Variants in HIGD1C observed in about 807,000 individuals in gnomAD.
HIGD1C encodes HIG1 domain family member 1C.
Under a neutral mutation model 13.1 loss-of-function variants are expected in HIGD1C, and 11 were observed. That is an observed-to-expected ratio of 0.84 (90% CI 0.53 to 1.39). HIGD1C has a LOEUF of 1.39. Among genes scored for constraint, HIGD1C ranks in the 40% most tolerant of loss-of-function variants. HIGD1C has a pLI of 0.00. For synonymous variants in HIGD1C, 36 were observed against 37.7 expected (o/e 0.95, Z 0.17); for missense variants, 110 against 112.0 (o/e 0.98, Z 0.08).
At chr12:50,969,198 AC>A (rs1398517427) in intron 2 of HIGD1C, among the ~76,000 whole-genome samples, 1 of 151,828 alleles carries the variant, frequency 6.6e-6, no homozygotes, top group African/African-American at 2.4e-5. Context: ...GGGGGCTGAG[AC>A]AGGAGAATTG....
At chr12:50,952,737 C>T (rs192197366), upstream of HIGD1C, among the ~76,000 whole-genome samples, 6 of 152,336 alleles carry the variant, frequency 3.9e-5, no homozygotes, top group East Asian at 7.7e-4. Flanking sequence ...GGGCTCTCAT[C>T]GCCTCAGCCG....
chr12:50,942,246 C>G, the HIGD1C span, among the ~76,000 whole-genome samples: 1 of 152,162 alleles, frequency 6.6e-6, no homozygotes, highest in Non-Finnish European at 1.5e-5. Context: ...CCTTTTACCC[C>G]AAATCTGCTT....
chr12:50,945,463 G>C, the HIGD1C span, among the ~76,000 whole-genome samples: 1 of 152,152 alleles, frequency 6.6e-6, no homozygotes, highest in Admixed American at 6.6e-5. Flanking sequence ...CAAATCATGA[G>C]TGAAATCCCA....
chr12:50,969,702 C>CA (rs757808017), intron 2 of HIGD1C, among the ~76,000 whole-genome samples: 293 of 112,516 alleles, frequency 2.6e-3, no homozygotes, highest in Middle Eastern at 4.9e-3. Context: ...GACTCCATCT[C>CA]AAAAAAAAAA....
At chr12:50,967,984 G>A (rs765767775) in intron 2 of HIGD1C, among the ~76,000 whole-genome samples, 3 of 152,126 alleles carry the variant, frequency 2.0e-5, no homozygotes, top group African/African-American at 4.8e-5. Flanking sequence ...CTACTCGGGA[G>A]GCTGAGATGA....
At chr12:50,963,423 G>C (rs1370922314) in intron 2 of HIGD1C, among the ~76,000 whole-genome samples, 1 of 147,912 alleles carries the variant, frequency 6.8e-6, no homozygotes, top group Non-Finnish European at 1.5e-5. Flanking sequence ...GTAGAAGCAA[G>C]GAAAATCCAG....
At chr12:50,953,849 A>G, upstream of HIGD1C, 2 of 554,002 alleles carry the variant, frequency 3.6e-6, no homozygotes, top group East Asian at 2.9e-5. Context: ...GTGTGAAGGA[A>G]AGACAATTGT....
chr12:50,948,243 T>A, the HIGD1C span, among the ~76,000 whole-genome samples: 1 of 152,246 alleles, frequency 6.6e-6, no homozygotes, highest in Non-Finnish European at 1.5e-5. Flanking sequence ...TTTAAAATTA[T>A]GAAACCTAAC....
chr12:50,963,916 C>G (rs1275088200), intron 2 of HIGD1C, among the ~76,000 whole-genome samples: 1 of 152,180 alleles, frequency 6.6e-6, no homozygotes, highest in East Asian at 1.9e-4. Flanking sequence ...CTCTTAACTT[C>G]CAAATAAAGA....
intron 1 of HIGD1C, 95 bp downstream of exon 3, chr12:50,954,187 A>T: frequency 1.4e-6 from 1 of 735,262 alleles, no homozygotes; most frequent in Non-Finnish European, 2.3e-6. Flanking sequence ...TTATAATTGA[A>T]TTTTTTCAGA....
At chr12:50,964,419 T>C (rs1939464659) in intron 2 of HIGD1C, among the ~76,000 whole-genome samples, 1 of 152,244 alleles carries the variant, frequency 6.6e-6, no homozygotes, top group African/African-American at 2.4e-5. Context: ...TAGTTTTCCA[T>C]TGTCTTTAAT....
rs554369152 is a variant in HIGD1C, at chr12:50,961,058, TGA to T, written c.189_190del (p.Arg63SerfsTer21). 4.2e-4 allele frequency: 673 copies of T among 1,613,386 alleles called. 4 individuals are homozygous for T. In the African/African-American group the frequency reaches 8.3e-3, roughly 20 times the overall value. ...AAAATGTCAATTCATCTTATTCACA[TGA>T]GAGTTGCTGCCCAAGGATTTGTTGT... On this transcript the variant is annotated frameshift_variant, in exon 2 of 3. Transcript: ENST00000398455. LOFTEE classifies it high-confidence loss of function.
At chr12:50,958,527 C>T (rs565692430) in intron 1 of HIGD1C, among the ~76,000 whole-genome samples, 23 of 150,102 alleles carry the variant, frequency 1.5e-4, no homozygotes, top group Non-Finnish European at 1.6e-4. Context: ...GTGATCCGCC[C>T]GCCTCGGCCT....
chr12:50,965,752 C>G (rs1939516662), intron 2 of HIGD1C, among the ~76,000 whole-genome samples: 1 of 152,166 alleles, frequency 6.6e-6, no homozygotes, highest in Admixed American at 6.5e-5. Context: ...TTTTCCCTTC[C>G]TTGGTGAACA....
At position 50,963,278 on chromosome 12, in the gene HIGD1C, G is replaced by A. The variant is rs1282329140; in HGVS notation, c.229+2176G>A. Among the ~76,000 whole-genome samples, 4 of 147,946 alleles carry A rather than the reference G, an allele frequency of 2.7e-5. No individual in the cohort carries two copies. In the East Asian group the frequency reaches 6.1e-4, roughly 22 times the overall value. The stretch of plus-strand genomic sequence containing the variant: ...CCAGCTACTCAGGAGGCTGAAGTAG[G>A]AGAATTGCTCGAACCTGGGAAGCGG... On this transcript the variant is annotated intron_variant, in intron 2 of 2. Transcript: ENST00000398455.
At chr12:50,967,222 C>T (rs1939574340) in intron 2 of HIGD1C, among the ~76,000 whole-genome samples, 1 of 152,104 alleles carries the variant, frequency 6.6e-6, no homozygotes, top group Non-Finnish European at 1.5e-5. Context: ...CTCAAGATAT[C>T]CTCCTGCCTC....
upstream of HIGD1C, among the ~76,000 whole-genome samples, chr12:50,950,742 T>C (rs932298378): frequency 4.2e-5 from 6 of 142,430 alleles, no homozygotes; most frequent in African/African-American, 1.6e-4. Context: ...AGTGGTGCCA[T>C]CTCAGCTCAG....
intron 2 of HIGD1C, among the ~76,000 whole-genome samples, chr12:50,969,457 T>C (rs1008632406): frequency 7.9e-5 from 12 of 151,980 alleles, no homozygotes; most frequent in African/African-American, 2.7e-4. Flanking sequence ...CCCAGCACTT[T>C]AGGAGGCCAA....
Position 50,960,977 on chromosome 12 carries a change from G to A in HIGD1C, c.104G>A (p.Gly35Asp), listed in dbSNP as rs369825718. The stretch of plus-strand genomic sequence containing the variant: ...CTTTTAAAATTCACAGGTATAGCAG[G>A]CTTTGTGACTGTGGTGTCCTGTGGT... Residue 35 changes from glycine to aspartate, a missense_variant, in exon 2 of 3, where the codon GGC (glycine) becomes GAC (aspartate). Coordinates refer to ENST00000398455, the Ensembl canonical transcript of HIGD1C. 4.8e-5 allele frequency: 76 copies of A among 1,588,624 alleles called. No homozygotes were observed. In the African/African-American group the frequency reaches 9.8e-4, roughly 20 times the overall value.
Sources: allele counts gnomAD v4.1 joint callset (sites outside exome capture counted in the v4.1 genomes callset), GRCh38; gene constraint gnomAD v4.1.1; transcripts MANE v1.5; gene names NCBI Gene and HGNC (gene_info 2026-07-23, HGNC 2026-07-21).